Variants in WWOX observed in about 807,000 individuals in gnomAD.
WWOX encodes the protein WW domain containing oxidoreductase, also known as WW domain-containing oxidoreductase.
A neutral mutation model predicts 46.2 loss-of-function variants in WWOX; 69 were observed. The observed-to-expected ratio is 1.49, with a 90% CI of 1.23 to 1.82. The LOEUF is 1.82. Ranked by LOEUF, WWOX falls within the 40% of genes most tolerant of loss-of-function variation. The pLI is 0.00. For synonymous variants in WWOX, 359 were observed against 202.6 expected, an observed-to-expected ratio of 1.77 and a Z score of -6.56; for missense variants, 919 against 542.6, an observed-to-expected ratio of 1.69 and a Z score of -6.89.
intron 8 of WWOX, among the ~76,000 whole-genome samples, chr16:78,982,329 C>T (rs953934203): frequency 3.9e-5 from 6 of 152,140 alleles, no homozygotes; most frequent in African/African-American, 1.4e-4. Context: ...GAAAAAAATA[C>T]CTCCTCTTCA....
At chr16:78,884,924 C>T (rs893047166) in intron 8 of WWOX, among the ~76,000 whole-genome samples, 1 of 152,162 alleles carries the variant, frequency 6.6e-6, no homozygotes, top group Non-Finnish European at 1.5e-5. Context: ...TATTCTTCTG[C>T]TTTTCCCATC....
intron 8 of WWOX, among the ~76,000 whole-genome samples, chr16:78,973,291 C>G (rs547692270): frequency 6.6e-6 from 1 of 152,106 alleles, no homozygotes; most frequent in Non-Finnish European, 1.5e-5. Flanking sequence ...GGCTGTCATC[C>G]TGGCGTTTGG....
intron 8 of WWOX, among the ~76,000 whole-genome samples, chr16:78,665,426 C>G (rs953122978): frequency 1.3e-5 from 2 of 152,126 alleles, no homozygotes; most frequent in Non-Finnish European, 2.9e-5. Context: ...AGTTTTCCCT[C>G]TCCATCTGGG....
chr16:78,980,502 C>T (rs1178777530), intron 8 of WWOX, among the ~76,000 whole-genome samples: 1 of 152,166 alleles, frequency 6.6e-6, no homozygotes, highest in African/African-American at 2.4e-5. Context: ...AAATTGACTG[C>T]CTGGCAATCC....
intron 8 of WWOX, among the ~76,000 whole-genome samples, chr16:78,934,017 C>T (rs1310365589): frequency 6.6e-6 from 1 of 151,950 alleles, no homozygotes; most frequent in Non-Finnish European, 1.5e-5. Flanking sequence ...CACATAGAGA[C>T]ACCGTCTCTC....
chr16:78,140,592 C>T (rs1373133002), intron 4 of WWOX, among the ~76,000 whole-genome samples: 2 of 152,136 alleles, frequency 1.3e-5, no homozygotes, highest in African/African-American at 4.8e-5. Context: ...CCAGTCTCTG[C>T]CTCCATCTGC....
In WWOX at chr16:78,314,704, T is replaced by TTG. The variant is rs1416335620; in HGVS notation, c.517-72155_517-72154insGT. ...CCTGCAGGGGTTTTTTTTTTTTGTT[T>TTG]TTTTTTTTTTTTTTTTTCTGTATTT... On this transcript the variant is annotated intron_variant, in intron 5 of 8. Transcript: ENST00000566780. 5.7e-3 allele frequency among the ~76,000 whole-genome samples: 394 copies of TTG among 69,124 alleles called. 3 individuals carry two copies. The highest frequency in any genetic ancestry group is 0.026 in the African/African-American group (374 of 14,156). The allele number at this position is 69,124 out of a possible 152,430, so 45.3% of individuals were successfully genotyped here.
At chr16:78,370,795 G>T (rs1421928747) in intron 5 of WWOX, among the ~76,000 whole-genome samples, 10 of 149,216 alleles carry the variant, frequency 6.7e-5, no homozygotes, top group South Asian at 4.3e-4. Context: ...TTTTGGGGGG[G>T]GGGGGGCAAT....
intron 5 of WWOX, among the ~76,000 whole-genome samples, chr16:78,231,046 G>T: frequency 6.6e-6 from 1 of 152,222 alleles, no homozygotes; most frequent in East Asian, 1.9e-4. Flanking sequence ...AATGCCAAGA[G>T]AGCAGGAAGA....
intron 8 of WWOX, among the ~76,000 whole-genome samples, chr16:79,165,979 A>T (rs918869262): frequency 2.0e-5 from 3 of 152,092 alleles, no homozygotes; most frequent in African/African-American, 7.2e-5. Context: ...TCCTGTGAAA[A>T]TCTTTCGGTC....
chr16:78,998,285 G>C (rs949304582), intron 8 of WWOX, among the ~76,000 whole-genome samples: 2 of 152,176 alleles, frequency 1.3e-5, no homozygotes, highest in African/African-American at 4.8e-5. Context: ...CATTCTCTCT[G>C]ATCTAAGGTG....
At chr16:78,293,151 C>G (rs1265001948) in intron 5 of WWOX, among the ~76,000 whole-genome samples, 1 of 152,226 alleles carries the variant, frequency 6.6e-6, no homozygotes, top group Non-Finnish European at 1.5e-5. Context: ...ACCTCCTCCT[C>G]CATTCTAGCT....
At chr16:78,899,528 C>G (rs899147189) in intron 8 of WWOX, 1 of 152,110 alleles carries the variant, frequency 6.6e-6, no homozygotes, top group Non-Finnish European at 1.5e-5. Flanking sequence ...TTTAATATTA[C>G]AGCATCTGTG....
At chr16:78,702,119 TA>T (rs1252604478) in intron 8 of WWOX, among the ~76,000 whole-genome samples, 27 of 134,952 alleles carry the variant, frequency 2.0e-4, no homozygotes, top group East Asian at 8.2e-4. Context: ...TATATATATA[TA>T]TATTTATTTA....
chr16:78,910,704 A>C, intron 8 of WWOX, among the ~76,000 whole-genome samples: 1 of 151,862 alleles, frequency 6.6e-6, no homozygotes, highest in East Asian at 1.9e-4. Context: ...CAGGCAAGAG[A>C]ACTTGTGCAG....
rs1201180702 is a variant in WWOX, at chr16:78,424,900, A to C, written c.636A>C (p.Ala212=). The C allele has an allele frequency of 4.0e-5, 64 of 1,613,992 alleles. No homozygotes were observed. The highest frequency in any genetic ancestry group is 5.3e-5 in the Non-Finnish European group (62 of 1,180,038). The change falls in exon 7 of 9, where the codon GCA becomes GCC. Residue 212 remains alanine (A), a synonymous_variant. Transcript: ENST00000566780. ...TTCATGTGCTTGTGTGCAACGCAGCAACTTTTGCTCTACCCTGGAGTCTCA... is the reference window on the plus strand; with the variant it reads ...TTCATGTGCTTGTGTGCAACGCAGCCACTTTTGCTCTACCCTGGAGTCTCA... ...VPLHVLVCNA[A]TFALPWSLTK...
intron 8 of WWOX, among the ~76,000 whole-genome samples, chr16:78,592,221 T>C (rs1018467356): frequency 2.8e-4 from 43 of 152,250 alleles, no homozygotes; most frequent in Admixed American, 2.7e-3. Flanking sequence ...GTTTTATTTT[T>C]TGTTTGTTTG....
At chr16:78,828,492 C>T (rs1237566130) in intron 8 of WWOX, among the ~76,000 whole-genome samples, 1 of 152,058 alleles carries the variant, frequency 6.6e-6, no homozygotes, top group Non-Finnish European at 1.5e-5. Flanking sequence ...TAAAGTCCAG[C>T]ACTGCACTGG....
intron 8 of WWOX, among the ~76,000 whole-genome samples, chr16:79,141,952 A>G (rs1245969082): frequency 6.6e-6 from 1 of 152,126 alleles, no homozygotes; most frequent in Non-Finnish European, 1.5e-5. Context: ...CTATTGTGAT[A>G]AGCCCGTCTA....
Sources: gnomAD v4.1 joint callset for allele counts (sites outside exome capture counted in the v4.1 genomes callset) on GRCh38, gnomAD v4.1.1 for gene constraint, MANE v1.5 for transcripts, NCBI Gene and HGNC (gene_info 2026-07-23, HGNC 2026-07-21) for gene names.